HESX1: variants seen among roughly 807,000 people sequenced by gnomAD.
The protein encoded by HESX1 is homeobox expressed in ES cells 1.
In HESX1, 11 loss-of-function variants were observed where a neutral mutation model predicts 22.5. That is an observed-to-expected ratio of 0.49 (90% CI 0.31 to 0.81). HESX1 has a LOEUF of 0.81. HESX1 is among the 30% of genes least tolerant of loss of function. The probability of loss-of-function intolerance (pLI) is 0.05; values close to 1 mark genes in which losing one functional copy is unlikely to be tolerated. For missense variants in HESX1, 201 were observed against 212.6 expected, an observed-to-expected ratio of 0.95 and a Z score of 0.34; for synonymous variants, 74 against 76.5, an observed-to-expected ratio of 0.97 and a Z score of 0.17.
rs775262192 is a variant in HESX1, at chr3:57,198,769, G to A, written c.341C>T (p.Ala114Val). ...SWYRGRRPRT[A>V]FTQNQIEVLE... Reference sequence around the variant, plus strand: ...ACTTCCCACCTGGTTTTGAGTAAAAGCAGTTCTTGGTCTTCGGCCTCTATA... The same window carrying A: ...ACTTCCCACCTGGTTTTGAGTAAAAACAGTTCTTGGTCTTCGGCCTCTATA... Residue 114 changes from alanine (A) to valine (V), a missense_variant, in exon 2 of 4, where the codon GCT (alanine) becomes GTT (valine). Coordinates refer to ENST00000295934, the MANE Select transcript of HESX1 (RefSeq NM_003865.3). 9.9e-6 allele frequency: 16 copies of A among 1,613,858 alleles called. 1 individual carries two copies. In the South Asian group the frequency reaches 1.5e-4, roughly 16 times the overall value.
intron 1 of HESX1, among the ~76,000 whole-genome samples, chr3:57,211,549 A>C (rs1004706171): frequency 2.7e-5 from 4 of 147,200 alleles, no homozygotes; most frequent in African/African-American, 1.0e-4. Context: ...AAAAAAAAAA[A>C]AAGCCAGGCA....
intron 1 of HESX1, among the ~76,000 whole-genome samples, chr3:57,209,114 C>T (rs942596832): frequency 1.3e-5 from 2 of 152,142 alleles, no homozygotes; most frequent in Non-Finnish European, 2.9e-5. Context: ...AAATGTTCTT[C>T]ATCTGAGCTA....
chr3:57,217,305 C>T (rs1468696194), intron 1 of HESX1, among the ~76,000 whole-genome samples: 1 of 152,188 alleles, frequency 6.6e-6, no homozygotes, highest in East Asian at 1.9e-4. Context: ...CATATATTTA[C>T]TGAAATCTGT....
intron 1 of HESX1, among the ~76,000 whole-genome samples, chr3:57,217,558 A>G (rs939025766): frequency 6.6e-6 from 1 of 152,194 alleles, no homozygotes; most frequent in Admixed American, 6.5e-5. Flanking sequence ...TAGGTTCTTC[A>G]AAGCCCAAAA....
chr3:57,221,567 C>T (rs776190455), intron 1 of HESX1, among the ~76,000 whole-genome samples: 21 of 152,258 alleles, frequency 1.4e-4, no homozygotes, highest in Non-Finnish European at 2.4e-4. Context: ...AATCATAGCT[C>T]ACTACAGCCT....
chr3:57,225,934 G>T (rs1296538693), intron 1 of HESX1, among the ~76,000 whole-genome samples: 13 of 146,606 alleles, frequency 8.9e-5, no homozygotes, highest in Non-Finnish European at 1.3e-4. Flanking sequence ...AGGCCGGAGC[G>T]CAGTGGTATG....
intron 1 of HESX1, among the ~76,000 whole-genome samples, chr3:57,206,108 T>C (rs2107573012): frequency 6.6e-6 from 1 of 152,252 alleles, no homozygotes; most frequent in East Asian, 1.9e-4. Context: ...GGAGAATCAC[T>C]TGAATCCAGG....
intron 1 of HESX1, among the ~76,000 whole-genome samples, chr3:57,219,492 C>T (rs773650955): frequency 6.6e-5 from 10 of 152,012 alleles, no homozygotes; most frequent in African/African-American, 1.2e-4. Flanking sequence ...CTCAGCCTCC[C>T]GAGTAGCTGG....
intron 1 of HESX1, among the ~76,000 whole-genome samples, chr3:57,205,909 G>C (rs1012290504): frequency 6.6e-6 from 1 of 152,112 alleles, no homozygotes; most frequent in African/African-American, 2.4e-5. Context: ...ACAGTGCTTG[G>C]GCTAGGCGCA....
At chr3:57,204,489 G>T (rs116153900), upstream of HESX1, among the ~76,000 whole-genome samples, 612 of 152,318 alleles carry the variant, frequency 4.0e-3, 3 homozygotes, top group African/African-American at 0.014. Flanking sequence ...GCCATTTACT[G>T]GGATGTGAAA....
At chr3:57,209,563 G>A (rs1029496050) in intron 1 of HESX1, among the ~76,000 whole-genome samples, 15 of 151,728 alleles carry the variant, frequency 9.9e-5, no homozygotes, top group African/African-American at 2.7e-4. Flanking sequence ...CTTGAACTCC[G>A]GAGGTGGAGG....
At chr3:57,206,771 C>T (rs530695973) in intron 1 of HESX1, among the ~76,000 whole-genome samples, 14 of 152,294 alleles carry the variant, frequency 9.2e-5, no homozygotes, top group African/African-American at 3.4e-4. Context: ...GAAAGCATCC[C>T]TAATTTAGGT....
At chr3:57,198,346 C>A in intron 3 of HESX1, 45 bp downstream of exon 3, 1 of 1,551,826 alleles carries the variant, frequency 6.4e-7, no homozygotes, top group African/African-American at 1.4e-5. Context: ...TTTTATTATT[C>A]TTAACATTTC....
chr3:57,219,453 T>C (rs2060602395), intron 1 of HESX1, among the ~76,000 whole-genome samples: 1 of 152,026 alleles, frequency 6.6e-6, no homozygotes, highest in Non-Finnish European at 1.5e-5. Context: ...CTGCAAGCTC[T>C]GCCTCCCAGA....
chr3:57,202,361 G>A (rs975189428), upstream of HESX1, among the ~76,000 whole-genome samples: 1 of 150,888 alleles, frequency 6.6e-6, no homozygotes, highest in Non-Finnish European at 1.5e-5. Context: ...TGTTTGAGAC[G>A]GAATCTCACT....
intron 1 of HESX1, among the ~76,000 whole-genome samples, chr3:57,214,308 A>G (rs910180754): frequency 2.6e-5 from 4 of 152,220 alleles, no homozygotes; most frequent in Admixed American, 2.6e-4. Context: ...AAATAGTAAC[A>G]TTCTCTTTAG....
intron 1 of HESX1, among the ~76,000 whole-genome samples, chr3:57,216,091 G>C (rs575429811): frequency 1.3e-5 from 2 of 152,204 alleles, no homozygotes; most frequent in East Asian, 3.9e-4. Flanking sequence ...AGTAACATTG[G>C]TTATATCACT....
chr3:57,214,291 T>C (rs2060572116), intron 1 of HESX1, among the ~76,000 whole-genome samples: 2 of 152,202 alleles, frequency 1.3e-5, no homozygotes, highest in African/African-American at 4.8e-5. Context: ...TCTACTTTTG[T>C]AAATATAAAT....
rs538191504 is a variant in HESX1 at position 57,225,078 on chromosome 3, T to G, written c.-111+1218A>C. ...GAAAGAAAACTGGCTTAAAATGAAC[T>G]GAGTTTGGTTAACTGCACAAAACGT... On this transcript the variant is annotated intron_variant, in intron 1 of 2. Transcript: ENST00000495160. Among the ~76,000 whole-genome samples the G allele has an allele frequency of 2.0e-5, 3 of 152,326 alleles. No homozygotes were observed. The East Asian group carries it at 5.8e-4, about 29-fold the overall frequency.
Sources: allele counts gnomAD v4.1 joint callset (sites outside exome capture counted in the v4.1 genomes callset), GRCh38; gene constraint gnomAD v4.1.1; transcripts MANE v1.5; gene names NCBI Gene and HGNC (gene_info 2026-07-23, HGNC 2026-07-21).